The following PLCXD1 variants were observed in gnomAD, a reference collection of about 807,000 sequenced individuals.
PLCXD1 encodes the protein phosphatidylinositol specific phospholipase C X domain containing 1, also known as PI-PLC X domain-containing protein 1.
Under a neutral mutation model 37.8 loss-of-function variants are expected in PLCXD1, and 45 were observed. The ratio of observed to expected loss-of-function variants is 1.19; its 90% CI spans 0.94 to 1.53. The LOEUF (loss-of-function observed/expected upper bound fraction) is 1.53, where lower values mean the gene tolerates loss of function less well. Ranked by LOEUF, PLCXD1 falls within the 40% of genes most tolerant of loss-of-function variation. The pLI, the probability that PLCXD1 is intolerant of heterozygous loss-of-function variation, is 0.00. For synonymous variants in PLCXD1, 246 were observed against 206.9 expected, an observed-to-expected ratio of 1.19 and a Z score of -1.62; for missense variants, 539 against 454.7, an observed-to-expected ratio of 1.19 and a Z score of -1.69.
chrX:289,212 T>C (rs986831942), intron 3 of PLCXD1, among the ~76,000 whole-genome samples: 3 of 152,090 alleles, frequency 2.0e-5, no homozygotes, highest in Non-Finnish European at 4.4e-5. Context: ...CTCATCCTCC[T>C]AAGTACCTGG....
rs1422724669 is a variant in PLCXD1, at chrX:300,636, ATATG to A, written c.*1303_*1306del. 7 of 151,978 alleles carry A rather than the reference ATATG, an allele frequency of 4.6e-5. No individual in the cohort carries two copies. The highest frequency in any genetic ancestry group is 8.8e-5 in the Non-Finnish European group (6 of 68,014). 9.4% of individuals were successfully genotyped at this position (151,978 alleles called of 1,614,324 possible). On this transcript the variant is annotated 3_prime_UTR_variant, in exon 7 of 7. Coordinates refer to ENST00000381657, the MANE Select transcript of PLCXD1 (RefSeq NM_018390.4). Reference sequence around the variant, plus strand: ...CGTGTATACGTGTATGTATACATGTATATGTGTGTATGCGTGTATATACACACGT... The same window carrying A: ...CGTGTATACGTGTATGTATACATGTATGTGTATGCGTGTATATACACACGT...
rs765338759 is a variant in PLCXD1 at position 291,574 on chromosome X, G to A, written c.469G>A (p.Glu157Lys). 9.3e-6 allele frequency: 15 copies of A among 1,613,028 alleles called. No individual in the cohort carries two copies. Among genetic ancestry groups the A allele is most frequent in the South Asian group, 6.6e-5 (6 of 91,030 alleles). The change falls in exon 5 of 7, where the codon GAG (glutamate) becomes AAG (lysine). Residue 157 changes from glutamate (E) to lysine (K), a missense_variant. Transcript: ENST00000381657. The part of the protein sequence containing the change: ...EVVILACRNF[E>K]GLSEDLHEYL... ...GGTCATCCTGGCCTGCAGAAACTTCGAGGGGCTGAGCGAGGACCTGCACGA... is the reference window on the plus strand; with the variant it reads ...GGTCATCCTGGCCTGCAGAAACTTCAAGGGGCTGAGCGAGGACCTGCACGA...
upstream of PLCXD1, chrX:281,378 C>T: frequency 7.3e-6 from 1 of 137,538 alleles, no homozygotes; most frequent in Non-Finnish European, 1.6e-5. Flanking sequence ...CCCTCCCTCC[C>T]TCCTTCCGGG....
intron 2 of PLCXD1, among the ~76,000 whole-genome samples, chrX:284,953 C>T (rs1328020347): frequency 3.3e-5 from 5 of 152,118 alleles, no homozygotes; most frequent in Non-Finnish European, 4.4e-5. Flanking sequence ...AGACCCGCCC[C>T]GTGATTCGGT....
At chrX:282,938 A>C (rs1382451854) in intron 1 of PLCXD1, among the ~76,000 whole-genome samples, 2 of 116,888 alleles carry the variant, frequency 1.7e-5, no homozygotes, top group East Asian at 4.2e-4. Flanking sequence ...TGTATGTTAT[A>C]TATATATTAT....
intron 1 of PLCXD1, among the ~76,000 whole-genome samples, chrX:282,965 T>C (rs1360995798): frequency 1.4e-5 from 2 of 146,232 alleles, no homozygotes; most frequent in African/African-American, 5.0e-5. Flanking sequence ...ATTATATATG[T>C]ATATATTATA....
intron 3 of PLCXD1, among the ~76,000 whole-genome samples, chrX:289,747 G>C (rs1248753139): frequency 1.3e-5 from 2 of 148,660 alleles, no homozygotes; most frequent in Non-Finnish European, 3.0e-5. Flanking sequence ...TCCTGACCTC[G>C]TGATCCACCC....
Position 299,244 on chromosome X carries a change from G to T in PLCXD1, c.881G>T (p.Arg294Leu), listed in dbSNP as rs201650548. 4.3e-6 allele frequency: 7 copies of T among 1,613,756 alleles called. No individual in the cohort carries two copies. The highest frequency in any genetic ancestry group is 5.9e-6 in the Non-Finnish European group (7 of 1,179,874). Reference protein sequence around the residue: ...VREQCPGPGSRCTNIIAGDFI... With the variant: ...VREQCPGPGSLCTNIIAGDFI... ...GAGCAGTGCCCGGGGCCGGGTTCAC[G>T]GTGCACCAACATCATCGCGGGGGAC... The change falls in exon 7 of 7, where the codon CGG becomes CTG. Residue 294 changes from arginine (R) to leucine (L), a missense_variant. Coordinates refer to ENST00000381657, the MANE Select transcript of PLCXD1 (RefSeq NM_018390.4).
rs1489166916 is a variant in PLCXD1, at chrX:301,798, G to A, written c.*2463G>A. The A allele has an allele frequency of 6.6e-6, 1 of 152,038 alleles. No individual in the cohort carries two copies. The highest frequency in any genetic ancestry group is 2.4e-5 in the African/African-American group (1 of 41,386). The allele number at this position is 152,038 out of a possible 1,614,324, so 9.4% of individuals were successfully genotyped here. ...CCGCCACCGCGCCTGGCTAACTTTT[G>A]TATTTTTAGCAGAGATGGGGTTTCA... On this transcript the variant is annotated 3_prime_UTR_variant, in exon 7 of 7. Transcript: ENST00000381657.
At chrX:288,580 GT>G (rs891387265) in intron 2 of PLCXD1, among the ~76,000 whole-genome samples, 152 bp from the exon 3 acceptor site, 18 of 152,136 alleles carry the variant, frequency 1.2e-4, no homozygotes, top group African/African-American at 4.3e-4. Context: ...GTGGACGTGA[GT>G]TTTGGGGGTC....
chrX:285,953 A>G (rs1290079057), intron 2 of PLCXD1, among the ~76,000 whole-genome samples: 1 of 152,096 alleles, frequency 6.6e-6, no homozygotes, highest in East Asian at 1.9e-4. Flanking sequence ...GGTGATGATG[A>G]AAGCTGTTTT....
Position 285,292 on chromosome X carries a change from A to C in PLCXD1, c.127+978A>C, listed in dbSNP as rs1602849575. On this transcript the variant is annotated intron_variant, in intron 2 of 6. Transcript: ENST00000381657. ...TGCACATAGGCTCATACACACATGG[A>C]TGCACATACACATGCATGCACATGT... is the stretch of plus-strand genomic sequence containing the variant. Among the ~76,000 whole-genome samples the C allele has an allele frequency of 2.6e-5, 4 of 152,302 alleles. 1 individual carries two copies. The South Asian group carries it at 8.3e-4, about 32-fold the overall frequency.
rs754440423 is a variant in PLCXD1 at position 293,014 on chromosome X, C to G, written c.550-21C>G. 7.6e-6 allele frequency: 12 copies of G among 1,588,116 alleles called. No individual in the cohort carries two copies. In the African/African-American group the frequency reaches 9.4e-5, roughly 12 times the overall value. The stretch of plus-strand genomic sequence containing the variant: ...CGGCTCTCCTCTCTCCCCTGCACCC[C>G]TTAACTCTGGTCCTTTGCAGGAGGT... On this transcript the variant is annotated intron_variant, in intron 5 of 6. Coordinates refer to ENST00000381657, the MANE Select transcript of PLCXD1 (RefSeq NM_018390.4).
intron 3 of PLCXD1, among the ~76,000 whole-genome samples, 153 bp from the exon 4 acceptor site, chrX:290,495 C>T (rs1242468642): frequency 6.6e-6 from 1 of 151,878 alleles, no homozygotes; most frequent in African/African-American, 2.4e-5. Context: ...CCCGTGGCTG[C>T]AGCGCTCCCA....
At chrX:281,967 C>T (rs1219672843) in intron 1 of PLCXD1, among the ~76,000 whole-genome samples, 6 of 151,980 alleles carry the variant, frequency 3.9e-5, no homozygotes, top group Non-Finnish European at 7.4e-5. Flanking sequence ...AGGCTGGTCT[C>T]GAACCCCTGA....
chrX:293,141 C>T lies in PLCXD1; in HGVS notation c.656C>T (p.Pro219Leu), dbSNP rs770857394. The change falls in exon 6 of 7, where the codon CCC becomes CTC. Residue 219 changes from proline to leucine, a missense_variant. By Grantham distance (98) the Pro-to-Leu change is moderately conservative. Transcript: ENST00000381657. ...CACCACGAGCTGTGGCCAGGAGTCC[C>T]CTACTGGTGGGGAAACAGGGTGAAG... The part of the protein sequence containing the change: ...RRHHELWPGV[P>L]YWWGNRVKTE... The T allele has an allele frequency of 6.8e-6, 11 of 1,612,310 alleles. No individual in the cohort carries two copies. The highest frequency in any genetic ancestry group is 3.3e-5 in the South Asian group (3 of 91,012).
upstream of PLCXD1, among the ~76,000 whole-genome samples, chrX:279,741 A>C (rs1430942371): frequency 6.6e-6 from 1 of 151,494 alleles, no homozygotes; most frequent in Non-Finnish European, 1.5e-5. Flanking sequence ...GACACTGCAC[A>C]CCAGTCTGCG....
chrX:279,322 G>GTA (rs1483849993), upstream of PLCXD1, among the ~76,000 whole-genome samples: 1 of 152,172 alleles, frequency 6.6e-6, no homozygotes, highest in East Asian at 1.9e-4. Flanking sequence ...CCACCTGGAC[G>GTA]TATATGTGCA....
In PLCXD1 at chrX:299,358, A is replaced by T; in HGVS notation, c.*23A>T. 1 of 1,545,938 alleles carries T rather than the reference A, an allele frequency of 6.5e-7. No homozygotes were observed. Among genetic ancestry groups the T allele is most frequent in the Non-Finnish European group, 8.9e-7 (1 of 1,118,368 alleles). On this transcript the variant is annotated 3_prime_UTR_variant, in exon 7 of 7. Transcript: ENST00000381657. ...TGACGGGACCCTTCTGAAGTTCGGGACGCGGCGGCTGCAGTTTCACCCCCG... is the reference window on the plus strand; with the variant it reads ...TGACGGGACCCTTCTGAAGTTCGGGTCGCGGCGGCTGCAGTTTCACCCCCG...
Sources: allele counts gnomAD v4.1 joint callset (sites outside exome capture counted in the v4.1 genomes callset), GRCh38; gene constraint gnomAD v4.1.1; transcripts MANE v1.5; gene names NCBI Gene and HGNC (gene_info 2026-07-23, HGNC 2026-07-21).